The following PIK3C2B variants were observed in gnomAD, a reference collection of about 807,000 sequenced individuals.
PIK3C2B encodes the protein phosphatidylinositol-4-phosphate 3-kinase catalytic subunit type 2 beta, also known as phosphatidylinositol 4-phosphate 3-kinase C2 domain-containing subunit beta.
PIK3C2B carries 83 observed loss-of-function variants against 184.3 expected under a neutral mutation model. The observed-to-expected ratio is 0.45, with a 90% CI of 0.38 to 0.54. The LOEUF is 0.54. PIK3C2B is among the 20% of genes least tolerant of loss of function. PIK3C2B has a pLI of 0.00. For missense variants in PIK3C2B, 1,736 were observed against 2,113.5 expected (o/e 0.82, Z 3.50); for synonymous variants, 779 against 837.6 (o/e 0.93, Z 1.21).
chr1:204,434,678 C>T (rs978732186), intron 23 of PIK3C2B, 70 bp from the exon 24 acceptor site: 6 of 1,298,524 alleles, frequency 4.6e-6, no homozygotes, highest in Non-Finnish European at 6.4e-6. Context: ...GGGGCCACAG[C>T]CAGACAGAAC....
chr1:204,431,843 G>A (rs940528819), intron 27 of PIK3C2B, 50 bp from the exon 28 acceptor site: 1 of 1,611,096 alleles, frequency 6.2e-7, no homozygotes, highest in Non-Finnish European at 8.5e-7. Context: ...TCTGCACCCA[G>A]TGAAGGGTGT....
chr1:204,491,320 C>T (rs961189158), intron 1 of PIK3C2B, among the ~76,000 whole-genome samples: 2 of 151,272 alleles, frequency 1.3e-5, no homozygotes, highest in African/African-American at 2.4e-5. Context: ...ACCTGGGAGA[C>T]GGAGGTTGCA....
rs141187267 is a variant in PIK3C2B at position 204,425,065 on chromosome 1, G to A, written c.4717-25C>T. The A allele has an allele frequency of 5.9e-4, 940 of 1,589,894 alleles. 6 individuals are homozygous for A. In the African/African-American group the frequency reaches 0.011, roughly 19 times the overall value. ...ACTGCAAACATAGAGATGGGTGAGG[G>A]AAGTGGTGAGAGAAGGAACAAGAAG... On this transcript the variant is annotated intron_variant, in intron 32 of 32. Coordinates refer to ENST00000684373, the MANE Select transcript of PIK3C2B (RefSeq NM_001377334.1).
At chr1:204,445,206 GAAAA>G (rs771864314) in intron 16 of PIK3C2B, among the ~76,000 whole-genome samples, 1 of 118,000 alleles carries the variant, frequency 8.5e-6, no homozygotes, top group Non-Finnish European at 1.8e-5. Context: ...TGCCCCAAAA[GAAAA>G]AAAAAAAAAA....
At chr1:204,443,228 C>G (rs1653526437) in intron 19 of PIK3C2B, among the ~76,000 whole-genome samples, 189 bp downstream of exon 19, 1 of 152,244 alleles carries the variant, frequency 6.6e-6, no homozygotes, top group African/African-American at 2.4e-5. Flanking sequence ...ACAGGACAAA[C>G]AAAACACATC....
intron 16 of PIK3C2B, among the ~76,000 whole-genome samples, chr1:204,444,940 A>C (rs933596428): frequency 6.6e-6 from 1 of 152,232 alleles, no homozygotes; most frequent in African/African-American, 2.4e-5. Context: ...GGCAGGTCAC[A>C]TGGATAGGTA....
At chr1:204,432,463 G>T in intron 26 of PIK3C2B, 62 bp from the exon 27 acceptor site, 1 of 1,349,474 alleles carries the variant, frequency 7.4e-7, no homozygotes, top group Non-Finnish European at 1.0e-6. Flanking sequence ...GCCTCGACAG[G>T]GGTGTTCCAA....
intron 3 of PIK3C2B, 58 bp downstream of exon 3, chr1:204,465,161 G>GCCCCCCCC: frequency 1.4e-6 from 1 of 734,312 alleles, no homozygotes. Context: ...GAAATGGATG[G>GCCCCCCCC]CCCCCCTCCC....
chr1:204,427,610 TA>T (rs1558227727), intron 31 of PIK3C2B, 37 bp downstream of exon 31: 1 of 1,450,766 alleles, frequency 6.9e-7, no homozygotes, highest in East Asian at 2.3e-5. Flanking sequence ...AAAGAAACAT[TA>T]AAAAAGAAAA....
rs745667113 is a variant in PIK3C2B, at chr1:204,457,887, G to A, written c.1567-13C>T. On this transcript the variant is annotated splice_polypyrimidine_tract_variant and intron_variant, in intron 8 of 32. Transcript: ENST00000684373. ...GTGGGAAGTCTCCCTGTGGGAGGTG[G>A]CACAGTGAGGCTGGCAGGCTCTGCT... 4 of 1,609,362 alleles carry A rather than the reference G, an allele frequency of 2.5e-6. No homozygotes were observed. The Admixed American group carries it at 6.7e-5, about 27-fold the overall frequency.
Position 204,468,894 on chromosome 1 carries a change from C to T in PIK3C2B, c.909G>A (p.Lys303=), listed in dbSNP as rs762678519. ...YGNRKNATPG[K]NRRISAAPVG... ...CCGGGGCTGCAGAAATCCGGCGGTT[C>T]TTGCCAGGCGTCGCATTCTTTCGGT... is the stretch of plus-strand genomic sequence containing the variant. The change falls in exon 2 of 33, where the codon AAG becomes AAA. Residue 303 remains lysine, a synonymous_variant. Transcript: ENST00000684373. 6 of 1,594,264 alleles carry T rather than the reference C, an allele frequency of 3.8e-6. No individual in the cohort carries two copies. The African/African-American group carries it at 4.0e-5, about 11-fold the overall frequency.
At chr1:204,485,608 C>G (rs1209355944) in intron 1 of PIK3C2B, among the ~76,000 whole-genome samples, 1 of 146,878 alleles carries the variant, frequency 6.8e-6, no homozygotes, top group Admixed American at 6.9e-5. Flanking sequence ...GGGTCTTGCT[C>G]TGTCGCCCAG....
intron 2 of PIK3C2B, among the ~76,000 whole-genome samples, 171 bp from the exon 3 acceptor site, chr1:204,465,490 G>A (rs1655684978): frequency 6.6e-6 from 1 of 152,222 alleles, no homozygotes; most frequent in Non-Finnish European, 1.5e-5. Context: ...TGTATCTGCT[G>A]TCCTAGGAGA....
intron 8 of PIK3C2B, 121 bp from the exon 9 acceptor site, chr1:204,457,995 AG>A: frequency 1.3e-6 from 1 of 790,708 alleles, no homozygotes; most frequent in Non-Finnish European, 2.0e-6. Flanking sequence ...CATGATCCTC[AG>A]GGGTAAATGT....
chr1:204,481,453 T>C (rs2103530876), intron 1 of PIK3C2B, among the ~76,000 whole-genome samples: 1 of 152,104 alleles, frequency 6.6e-6, no homozygotes, highest in South Asian at 2.1e-4. Context: ...GACACGGGGT[T>C]TCATCATGTT....
chr1:204,466,975 GT>G (rs768206783), intron 2 of PIK3C2B: 1 of 521,700 alleles, frequency 1.9e-6, no homozygotes, highest in Non-Finnish European at 3.9e-6. Context: ...GGCCCAAGGG[GT>G]CCCCCCTCCC....
intron 5 of PIK3C2B, among the ~76,000 whole-genome samples, chr1:204,463,173 G>A (rs1655472708): frequency 6.6e-6 from 1 of 152,194 alleles, no homozygotes; most frequent in Admixed American, 6.5e-5. Context: ...GAGAGAAAAA[G>A]CAAGCAGTGG....
At chr1:204,490,478 A>G (rs144425063) in intron 1 of PIK3C2B, 5 of 152,406 alleles carry the variant, frequency 3.3e-5, no homozygotes, top group African/African-American at 1.2e-4. Flanking sequence ...GTGTTGCAGG[A>G]TAGGTCCTTT....
intron 27 of PIK3C2B, 32 bp from the exon 28 acceptor site, chr1:204,431,825 C>T (rs769428256): frequency 6.2e-7 from 1 of 1,613,974 alleles, no homozygotes; most frequent in Admixed American, 1.7e-5. Context: ...GGTGTACCTG[C>T]CGAGCCCTCT....
Sources: gnomAD v4.1 joint callset for allele counts (sites outside exome capture counted in the v4.1 genomes callset) on GRCh38, gnomAD v4.1.1 for gene constraint, MANE v1.5 for transcripts, NCBI Gene and HGNC (gene_info 2026-07-23, HGNC 2026-07-21) for gene names.